PRKAG2: variants seen among roughly 807,000 people sequenced by gnomAD.
The protein encoded by PRKAG2 is protein kinase AMP-activated non-catalytic subunit gamma 2, also known as 5'-AMP-activated protein kinase subunit gamma-2.
Under a neutral mutation model 69.6 loss-of-function variants are expected in PRKAG2, and 26 were observed. The ratio of observed to expected loss-of-function variants is 0.37; its 90% CI spans 0.27 to 0.52. The LOEUF (loss-of-function observed/expected upper bound fraction) is 0.52. Ranked by LOEUF, PRKAG2 falls within the 20% of genes least tolerant of loss-of-function variation. The pLI is 0.90. For missense variants in PRKAG2, 557 were observed against 740.0 expected, an observed-to-expected ratio of 0.75 and a Z score of 2.87; for synonymous variants, 293 against 285.0, an observed-to-expected ratio of 1.03 and a Z score of -0.28.
chr7:151,775,278 T>C (rs1342803131), intron 3 of PRKAG2, among the ~76,000 whole-genome samples: 1 of 150,428 alleles, frequency 6.6e-6, no homozygotes, highest in African/African-American at 2.4e-5. Context: ...CACCCCGCCC[T>C]GATTGATTCA....
intron 1 of PRKAG2, among the ~76,000 whole-genome samples, chr7:151,825,392 A>G (rs1436771640): frequency 6.6e-6 from 1 of 152,224 alleles, no homozygotes; most frequent in African/African-American, 2.4e-5. Flanking sequence ...TGAGTATATG[A>G]TTCGTACCCT....
At chr7:151,829,353 G>A (rs1408056927) in intron 1 of PRKAG2, among the ~76,000 whole-genome samples, 1 of 152,152 alleles carries the variant, frequency 6.6e-6, no homozygotes, top group African/African-American at 2.4e-5. Flanking sequence ...TAGAACATAA[G>A]AGAGACAATT....
In PRKAG2 at chr7:151,814,336, A is replaced by G; in HGVS notation, c.115-27795T>C. On this transcript the variant is annotated intron_variant, in intron 1 of 15. Transcript: ENST00000287878. The surrounding 1 kb of genome is among the most constrained non-coding windows in gnomAD (Gnocchi z 4.8). ...GTCTTACACACCAAGGAGACAAAGC[A>G]TCGTGAGGGGGAAAACCGCACACCC... 2 of 1,003,946 alleles carry G rather than the reference A, an allele frequency of 2.0e-6. No individual in the cohort carries two copies. The highest frequency in any genetic ancestry group is 3.4e-5 in the African/African-American group (2 of 59,682). 62.2% of individuals were successfully genotyped at this position (1,003,946 alleles called of 1,614,324 possible).
chr7:151,855,450 A>ACCGCCCT, intron 1 of PRKAG2, among the ~76,000 whole-genome samples: 1 of 23,770 alleles, frequency 4.2e-5, no homozygotes, highest in Non-Finnish European at 7.9e-5. Flanking sequence ...CTCCACACAC[A>ACCGCCCT]CCATCCTCCA....
rs149723198 is a variant in PRKAG2, at chr7:151,760,305, C to T, written c.466+20847G>A. ...AGGCTAGAGTGCAATGGCAGGATCT[C>T]GGCTCACTGCAACCTCTGCTGCCCA... On this transcript the variant is annotated intron_variant, in intron 3 of 15. Coordinates refer to ENST00000287878, the MANE Select transcript of PRKAG2 (RefSeq NM_016203.4). Among the ~76,000 whole-genome samples, 365 of 152,280 alleles carry T rather than the reference C, an allele frequency of 2.4e-3. 1 individual carries two copies. Among genetic ancestry groups the T allele is most frequent in the African/African-American group, 8.4e-3 (349 of 41,562 alleles).
chr7:151,838,378 C>G (rs1452366982), intron 1 of PRKAG2, among the ~76,000 whole-genome samples: 1 of 151,938 alleles, frequency 6.6e-6, no homozygotes, highest in East Asian at 1.9e-4. Context: ...GACGGGTATC[C>G]TGGACATGTC....
chr7:151,589,922 G>A (rs965406608), intron 6 of PRKAG2, among the ~76,000 whole-genome samples: 3 of 152,126 alleles, frequency 2.0e-5, no homozygotes, highest in African/African-American at 7.2e-5. Context: ...GTGACAGAAT[G>A]AGACCCTGTC....
intron 3 of PRKAG2, among the ~76,000 whole-genome samples, chr7:151,691,086 G>A (rs1314595949): frequency 6.6e-6 from 1 of 152,180 alleles, no homozygotes; most frequent in Non-Finnish European, 1.5e-5. Context: ...CTCTGTGTCT[G>A]CAGGGAATTG....
At chr7:151,694,917 T>TC (rs1836343275) in intron 3 of PRKAG2, among the ~76,000 whole-genome samples, 2 of 152,208 alleles carry the variant, frequency 1.3e-5, no homozygotes, top group South Asian at 2.1e-4. Flanking sequence ...GATGCCCCAG[T>TC]CCCTCCGGGT....
At chr7:151,832,966 T>C (rs545347314) in intron 1 of PRKAG2, among the ~76,000 whole-genome samples, 5 of 152,100 alleles carry the variant, frequency 3.3e-5, no homozygotes, top group Non-Finnish European at 7.4e-5. Context: ...GGGGGACATC[T>C]TGGAGGAGGT....
chr7:151,573,927 C>T (rs1042821777), intron 8 of PRKAG2, among the ~76,000 whole-genome samples: 9 of 152,098 alleles, frequency 5.9e-5, no homozygotes, highest in Middle Eastern at 3.4e-3. Flanking sequence ...TACAGATGCC[C>T]GCTGCCACAC....
At chr7:151,866,342 G>T (rs1352277803) in intron 1 of PRKAG2, among the ~76,000 whole-genome samples, 1 of 152,206 alleles carries the variant, frequency 6.6e-6, no homozygotes, top group East Asian at 1.9e-4. Flanking sequence ...TTCTCAGCAG[G>T]TTGGGCTAGA....
At chr7:151,766,309 C>T (rs767359445) in intron 3 of PRKAG2, among the ~76,000 whole-genome samples, 8 of 151,998 alleles carry the variant, frequency 5.3e-5, no homozygotes, top group Non-Finnish European at 8.8e-5. Context: ...ATGGTAGGAA[C>T]GGGGAAGAAG....
intron 1 of PRKAG2, among the ~76,000 whole-genome samples, chr7:151,872,213 T>G (rs1436342555): frequency 6.6e-6 from 1 of 152,196 alleles, no homozygotes; most frequent in African/African-American, 2.4e-5. Context: ...TAGGCTGGCC[T>G]TCTCACGTCC....
At chr7:151,580,519 T>C (rs1470030814) in intron 6 of PRKAG2, among the ~76,000 whole-genome samples, 3 of 152,176 alleles carry the variant, frequency 2.0e-5, no homozygotes, top group African/African-American at 2.4e-5. Context: ...ATAACTTATA[T>C]AGAAGCAAAA....
At chr7:151,626,034 G>A (rs569144770) in intron 5 of PRKAG2, among the ~76,000 whole-genome samples, 2 of 152,316 alleles carry the variant, frequency 1.3e-5, no homozygotes, top group Admixed American at 1.3e-4. Flanking sequence ...AGGGCCAAGA[G>A]GCCATTCTTC....
intron 1 of PRKAG2, among the ~76,000 whole-genome samples, chr7:151,844,702 GTC>G (rs1327709414): frequency 2.0e-5 from 3 of 152,186 alleles, no homozygotes; most frequent in Non-Finnish European, 4.4e-5. Context: ...GTGGCTCACT[GTC>G]TCTATTTCGT....
At chr7:151,618,520 T>C (rs1820705530) in intron 5 of PRKAG2, among the ~76,000 whole-genome samples, 1 of 151,832 alleles carries the variant, frequency 6.6e-6, no homozygotes, top group Non-Finnish European at 1.5e-5. Context: ...ATCCCAGCAC[T>C]TTGGGAGGCC....
Position 151,850,151 on chromosome 7 carries a change from G to C in PRKAG2, c.114+26356C>G, listed in dbSNP as rs1031629811. 2.0e-5 allele frequency among the ~76,000 whole-genome samples: 3 copies of C among 152,164 alleles called. No homozygotes were observed. The highest frequency in any genetic ancestry group is 7.2e-5 in the African/African-American group (3 of 41,444). Reference sequence around the variant, plus strand: ...GCTCAGTGTCTGCAGAAAGAAGCGGGAGGGGGGTGCAGGGGAACCGTAGCA... The same window carrying C: ...GCTCAGTGTCTGCAGAAAGAAGCGGCAGGGGGGTGCAGGGGAACCGTAGCA... On this transcript the variant is annotated intron_variant, in intron 1 of 15. Transcript: ENST00000287878. The surrounding 1 kb of genome is among the most constrained non-coding windows in gnomAD (Gnocchi z 4.1).
Sources: gnomAD v4.1 joint callset for allele counts (sites outside exome capture counted in the v4.1 genomes callset) on GRCh38, gnomAD v4.1.1 for gene constraint, Gnocchi (gnomAD v3.1) non-coding constraint, MANE v1.5 for transcripts, NCBI Gene and HGNC (gene_info 2026-07-23, HGNC 2026-07-21) for gene names.